TRPM1: variants seen among roughly 807,000 people sequenced by gnomAD.
The protein encoded by TRPM1 is transient receptor potential cation channel subfamily M member 1.
A neutral mutation model predicts 149.4 loss-of-function variants in TRPM1; 113 were observed. That is an observed-to-expected ratio of 0.76 (90% CI 0.65 to 0.88). The LOEUF (loss-of-function observed/expected upper bound fraction) is 0.88. Ranked by LOEUF, TRPM1 falls within the 40% of genes least tolerant of loss-of-function variation. TRPM1 has a pLI of 0.00. For synonymous variants in TRPM1, 741 were observed against 759.5 expected (o/e 0.98, Z 0.40); for missense variants, 1,976 against 2,038.7 (o/e 0.97, Z 0.59).
intron 2 of TRPM1, among the ~76,000 whole-genome samples, chr15:31,078,312 G>T (rs975782907): frequency 2.0e-5 from 3 of 152,124 alleles, no homozygotes; most frequent in Admixed American, 2.0e-4. Context: ...GAGGCCCTCC[G>T]CAGAGAGGTC....
chr15:31,061,886 C>T (rs2034243501), intron 9 of TRPM1, among the ~76,000 whole-genome samples: 1 of 152,050 alleles, frequency 6.6e-6, no homozygotes, highest in Non-Finnish European at 1.5e-5. Context: ...TGGGGTTTCA[C>T]CATGTTGGCC....
At chr15:31,050,032 G>A (rs755802983) in intron 12 of TRPM1, among the ~76,000 whole-genome samples, 21 of 151,922 alleles carry the variant, frequency 1.4e-4, no homozygotes, top group Admixed American at 5.9e-4. Flanking sequence ...CCCAATCATG[G>A]GCTCTGTCTG....
At chr15:31,042,986 G>A (rs995007765) in intron 16 of TRPM1, among the ~76,000 whole-genome samples, 4 of 152,184 alleles carry the variant, frequency 2.6e-5, no homozygotes, top group African/African-American at 9.7e-5. Context: ...TGCAAACAGC[G>A]TTCCCATCAG....
At chr15:31,116,332 G>C (rs934552397) in intron 1 of TRPM1, among the ~76,000 whole-genome samples, 16 of 152,144 alleles carry the variant, frequency 1.1e-4, no homozygotes, top group Non-Finnish European at 2.2e-4. Context: ...AAAGTGCCCG[G>C]CGCCGTGGCT....
In TRPM1 at chr15:31,066,179, G is replaced by T. The variant is rs777822341; in HGVS notation, c.687C>A (p.Thr229=). The part of the protein sequence containing the change: ...SKLSVLNNSH[T]HFILADNGTL... ...TGCCATTGTCAGCCAGGATGAAGTGGGTGTGGGAGTTGTTGAGCACAGAGA... is the reference window on the plus strand; with the variant it reads ...TGCCATTGTCAGCCAGGATGAAGTGTGTGTGGGAGTTGTTGAGCACAGAGA... The change falls in exon 7 of 28, where the codon ACC becomes ACA. Residue 229 remains threonine (T), a synonymous_variant. Transcript: ENST00000256552. 2 of 1,614,192 alleles carry T rather than the reference G, an allele frequency of 1.2e-6. No individual in the cohort carries two copies. Among genetic ancestry groups the T allele is most frequent in the East Asian group, 4.5e-5 (2 of 44,890 alleles).
exon 1 of TRPM1, chr15:31,161,114 C>T (rs1044854154): frequency 1.9e-5 from 14 of 727,904 alleles, no homozygotes; most frequent in East Asian, 1.1e-4. Context: ...GCGAGGGGGC[C>T]GAGATCCTGG....
At position 31,002,300 on chromosome 15, in the gene TRPM1, C is replaced by G. The variant is rs1157809817; in HGVS notation, c.4400G>C (p.Gly1467Ala). Reference sequence around the variant, plus strand: ...GTTAACCCCACCGACCAGCTTTCTTCCCCGGGAATAGACGAAGCTTCTGGA... The same window carrying G: ...GTTAACCCCACCGACCAGCTTTCTTGCCCGGGAATAGACGAAGCTTCTGGA... ...MKSRSFVYSRGRKLVGGVNQD... is the reference protein window; with the variant it reads ...MKSRSFVYSRARKLVGGVNQD... Residue 1467 changes from glycine to alanine, a missense_variant, in exon 28 of 28, where the codon GGA becomes GCA. Gly to Ala is a moderately conservative substitution (Grantham distance 60). Transcript: ENST00000256552. 1 of 1,614,100 alleles carries G rather than the reference C, an allele frequency of 6.2e-7. No individual in the cohort carries two copies. The highest frequency in any genetic ancestry group is 1.3e-5 in the African/African-American group (1 of 74,926).
intron 27 of TRPM1, among the ~76,000 whole-genome samples, chr15:31,007,658 A>G (rs58813985): frequency 0.086 from 7,864 of 91,916 alleles, 218 homozygotes; most frequent in African/African-American, 0.21. Context: ...CGCAGCAACA[A>G]CAACAACAAC....
In TRPM1 at chr15:31,002,982, C is replaced by T. The variant is rs914468507; in HGVS notation, c.3718G>A (p.Ala1240Thr). 1 of 1,594,470 alleles carries T rather than the reference C, an allele frequency of 6.3e-7. No individual in the cohort carries two copies. The highest frequency in any genetic ancestry group is 2.2e-5 in the East Asian group (1 of 44,726). The change falls in exon 28 of 28, where the codon GCT becomes ACT. Residue 1240 changes from alanine (A) to threonine (T), a missense_variant. Ala to Thr is a moderately conservative substitution (Grantham distance 58). This residue lies in a region of TRPM1 where 572 missense variants were observed against 578.9 expected (regional missense o/e 0.99). Transcript: ENST00000256552. ...CTGTTAGATAATTCTTCTAGCTGAG[C>T]AAGTCGAAGGTCAACAGTCTGCAGG... is the stretch of plus-strand genomic sequence containing the variant. ...TSLQTVDLRLAQLEELSNRMV... is the reference protein window; with the variant it reads ...TSLQTVDLRLTQLEELSNRMV...
intron 25 of TRPM1, among the ~76,000 whole-genome samples, chr15:31,027,758 C>T (rs993924490): frequency 3.9e-5 from 6 of 152,168 alleles, no homozygotes; most frequent in Non-Finnish European, 8.8e-5. Flanking sequence ...AAGGATTTTT[C>T]CCTCTATATT....
intron 25 of TRPM1, among the ~76,000 whole-genome samples, chr15:31,028,041 C>G (rs1400630269): frequency 1.3e-5 from 2 of 152,056 alleles, no homozygotes; most frequent in African/African-American, 4.8e-5. Context: ...ATATTCTGTA[C>G]CCCAGGAGAC....
intron 1 of TRPM1, among the ~76,000 whole-genome samples, chr15:31,085,579 G>T (rs756347560): frequency 5.9e-5 from 9 of 152,148 alleles, no homozygotes; most frequent in African/African-American, 2.2e-4. Flanking sequence ...TAGTCCAATC[G>T]CATGTGTTGA....
Position 31,001,974 on chromosome 15 carries a change from G to A in TRPM1, c.4726C>T (p.His1576Tyr). The change falls in exon 28 of 28, where the codon CAT (histidine) becomes TAT (tyrosine). Residue 1576 changes from histidine (H) to tyrosine (Y), a missense_variant. Transcript: ENST00000256552. ...GFPSLRSKSL[H>Y]GHPRNVKSIQ... ...GATTTCACATTCCTAGGATGTCCAT[G>A]TAAACTTTTTGACCTGAGAGATGGG... is the stretch of plus-strand genomic sequence containing the variant. The A allele has an allele frequency of 6.2e-7, 1 of 1,614,148 alleles. No homozygotes were observed. Among genetic ancestry groups the A allele is most frequent in the Non-Finnish European group, 8.5e-7 (1 of 1,180,020 alleles).
chr15:31,095,539 G>A (rs996092885), intron 1 of TRPM1, among the ~76,000 whole-genome samples: 1 of 150,262 alleles, frequency 6.7e-6, no homozygotes, highest in East Asian at 2.0e-4. Context: ...ACAAAAATTA[G>A]CCAGGCATGG....
intron 1 of TRPM1, among the ~76,000 whole-genome samples, chr15:31,096,066 T>A (rs1246415756): frequency 7.0e-6 from 1 of 142,370 alleles, no homozygotes; most frequent in Non-Finnish European, 1.5e-5. Context: ...AAAATAAAAA[T>A]AGAAAAGAAA....
intron 3 of TRPM1, chr15:31,070,543 A>G (rs2140967921): frequency 1.8e-6 from 1 of 568,232 alleles, no homozygotes; most frequent in Middle Eastern, 2.7e-4. Flanking sequence ...AAGTATAGAC[A>G]TGCCCTCCGA....
chr15:31,116,227 C>T (rs1437070194), intron 1 of TRPM1, among the ~76,000 whole-genome samples: 1 of 152,152 alleles, frequency 6.6e-6, no homozygotes, highest in Non-Finnish European at 1.5e-5. Flanking sequence ...TCTCTCCAGC[C>T]CTCCTGTCTC....
At chr15:31,007,904 C>T (rs200234068) in intron 27 of TRPM1, among the ~76,000 whole-genome samples, 4 of 152,214 alleles carry the variant, frequency 2.6e-5, no homozygotes, top group African/African-American at 7.2e-5. Context: ...ACGTATTTTA[C>T]GAGATTTATA....
At chr15:31,024,592 G>A (rs1485147097) in intron 27 of TRPM1, among the ~76,000 whole-genome samples, 1 of 152,142 alleles carries the variant, frequency 6.6e-6, no homozygotes, top group Admixed American at 6.5e-5. Flanking sequence ...AATGCAATTT[G>A]GTAGTGACCT....
Sources: allele counts gnomAD v4.1 joint callset (sites outside exome capture counted in the v4.1 genomes callset), GRCh38; gene constraint gnomAD v4.1.1; regional missense constraint gnomAD v4.1.1; transcripts MANE v1.5; gene names NCBI Gene and HGNC (gene_info 2026-07-23, HGNC 2026-07-21).